Variants in GLRA3 observed in about 807,000 individuals in gnomAD.
The protein encoded by GLRA3 is glycine receptor alpha 3, also known as glycine receptor subunit alpha-3.
In GLRA3, 44 loss-of-function variants were observed where a neutral mutation model predicts 60.4. The observed-to-expected ratio is 0.73, with a 90% CI of 0.57 to 0.94. The LOEUF (loss-of-function observed/expected upper bound fraction) is 0.94, where lower values mean the gene tolerates loss of function less well. Among genes scored for constraint, GLRA3 ranks in the 40% least tolerant of loss-of-function variants. GLRA3 has a pLI of 0.00. For missense variants in GLRA3, 508 were observed against 564.6 expected, an observed-to-expected ratio of 0.90 and a Z score of 1.02; for synonymous variants, 223 against 192.9, an observed-to-expected ratio of 1.16 and a Z score of -1.29.
At chr4:174,748,247 C>A (rs911858599) in intron 3 of GLRA3, among the ~76,000 whole-genome samples, 5 of 152,152 alleles carry the variant, frequency 3.3e-5, no homozygotes, top group African/African-American at 4.8e-5. Flanking sequence ...TTTTCAAGAG[C>A]ATAATCAACA....
intron 4 of GLRA3, among the ~76,000 whole-genome samples, chr4:174,718,971 T>A (rs957258487): frequency 7.0e-6 from 1 of 142,274 alleles, no homozygotes; most frequent in African/African-American, 2.6e-5. Flanking sequence ...TTTTTTTTTT[T>A]TTTTTTTTTT....
intron 5 of GLRA3, among the ~76,000 whole-genome samples, chr4:174,695,732 T>A (rs1015246818): frequency 6.6e-6 from 1 of 152,110 alleles, no homozygotes; most frequent in Non-Finnish European, 1.5e-5. Context: ...TTGAAAGTAC[T>A]AGGCAGAGCT....
At chr4:174,647,738 C>A (rs1561030673) in intron 9 of GLRA3, among the ~76,000 whole-genome samples, 1 of 152,170 alleles carries the variant, frequency 6.6e-6, no homozygotes, top group East Asian at 1.9e-4. Context: ...AAAAATAACT[C>A]AGTATGTTCC....
intron 4 of GLRA3, among the ~76,000 whole-genome samples, chr4:174,721,293 A>T (rs1736120534): frequency 1.3e-5 from 2 of 152,046 alleles, no homozygotes; most frequent in African/African-American, 4.8e-5. Flanking sequence ...TCCCAAAGTG[A>T]AAACTGTGTG....
chr4:174,667,071 T>C (rs1004970250), intron 7 of GLRA3, among the ~76,000 whole-genome samples: 1 of 152,122 alleles, frequency 6.6e-6, no homozygotes, highest in African/African-American at 2.4e-5. Context: ...TTGTCATTGC[T>C]ATCCTCACTT....
intron 2 of GLRA3, among the ~76,000 whole-genome samples, chr4:174,780,324 G>A (rs1432785992): frequency 2.0e-5 from 3 of 151,198 alleles, no homozygotes; most frequent in Non-Finnish European, 4.4e-5. Flanking sequence ...CACTAAACAT[G>A]GAAAGGAACA....
At chr4:174,756,800 T>A (rs1369815066) in intron 3 of GLRA3, among the ~76,000 whole-genome samples, 2 of 151,922 alleles carry the variant, frequency 1.3e-5, no homozygotes, top group Non-Finnish European at 2.9e-5. Flanking sequence ...ACCCGTCACC[T>A]CCCCTGGCTA....
At chr4:174,662,379 C>G (rs1195969368) in intron 7 of GLRA3, among the ~76,000 whole-genome samples, 1 of 152,108 alleles carries the variant, frequency 6.6e-6, no homozygotes, top group African/African-American at 2.4e-5. Context: ...TCCTTACTTC[C>G]AAGAAGATGT....
intron 1 of GLRA3, among the ~76,000 whole-genome samples, chr4:174,825,096 T>C (rs1740911530): frequency 6.6e-6 from 1 of 152,092 alleles, no homozygotes; most frequent in South Asian, 2.1e-4. Context: ...TGGACTATGA[T>C]TCTTCTATAC....
rs1738867820 is a variant in GLRA3, at chr4:174,781,454, T to G, written c.199+7362A>C. 2.9e-5 allele frequency among the ~76,000 whole-genome samples: 4 copies of G among 138,182 alleles called. No individual in the cohort carries two copies. In the South Asian group the frequency reaches 9.8e-4, roughly 34 times the overall value. 90.7% of individuals were successfully genotyped at this position (138,182 alleles called of 152,430 possible). A position where few individuals can be genotyped will look rare whatever the true frequency, so the allele number is the denominator to read the frequency against. On this transcript the variant is annotated intron_variant, in intron 2 of 9. Coordinates refer to ENST00000274093, the MANE Select transcript of GLRA3 (RefSeq NM_006529.4). ...TCAAAAGCTAGCAGAAGGCAAGAAATAACTAAAATCAGAGCAGAACTGAAG... is the reference window on the plus strand; with the variant it reads ...TCAAAAGCTAGCAGAAGGCAAGAAAGAACTAAAATCAGAGCAGAACTGAAG...
rs370045679 is a variant in GLRA3 at position 174,706,162 on chromosome 4, A to G, written c.574+9326T>C. 0.013 allele frequency among the ~76,000 whole-genome samples: 1,926 copies of G among 152,006 alleles called. 85 individuals are homozygous for G. In the East Asian group the frequency reaches 0.14, roughly 11 times the overall value. ...GGAGAATGGCGTGAACCCGGGAGGC[A>G]GAGCTTGCAGTGAGCCGAGTTCACG... On this transcript the variant is annotated intron_variant, in intron 5 of 9. Coordinates refer to ENST00000274093, the MANE Select transcript of GLRA3 (RefSeq NM_006529.4).
intron 8 of GLRA3, 50 bp from the exon 9 acceptor site, chr4:174,656,837 A>T: frequency 1.0e-6 from 1 of 1,002,550 alleles, no homozygotes; most frequent in Non-Finnish European, 1.6e-6. Context: ...CAGAGAATCA[A>T]TTCATATATG....
chr4:174,821,604 C>T lies in GLRA3; in HGVS notation c.71+7137G>A, dbSNP rs141054921. Among the ~76,000 whole-genome samples, 501 of 152,102 alleles carry T rather than the reference C, an allele frequency of 3.3e-3. 3 individuals are homozygous for T. The highest frequency in any genetic ancestry group is 0.011 in the African/African-American group (448 of 41,518). ...AATACATGATGTATCTGTGGTATTA[C>T]AATTTCTTGGAAGTCAGTTACAAAA... On this transcript the variant is annotated intron_variant, in intron 1 of 9. Coordinates refer to ENST00000274093, the MANE Select transcript of GLRA3 (RefSeq NM_006529.4).
intron 3 of GLRA3, among the ~76,000 whole-genome samples, chr4:174,750,631 A>G (rs552052070): frequency 1.3e-5 from 2 of 152,242 alleles, no homozygotes; most frequent in African/African-American, 2.4e-5. Flanking sequence ...AGATTTCAAT[A>G]GTGATAATTG....
intron 3 of GLRA3, among the ~76,000 whole-genome samples, chr4:174,750,653 G>C (rs1286413096): frequency 6.6e-6 from 1 of 152,116 alleles, no homozygotes; most frequent in African/African-American, 2.4e-5. Flanking sequence ...CAAGGTGACA[G>C]ATAAAAACTT....
chr4:174,807,382 C>G (rs1015930011), intron 1 of GLRA3, among the ~76,000 whole-genome samples: 1 of 151,980 alleles, frequency 6.6e-6, no homozygotes, highest in Admixed American at 6.6e-5. Flanking sequence ...GATTCACTTT[C>G]AAAGACAACA....
intron 3 of GLRA3, among the ~76,000 whole-genome samples, chr4:174,737,519 G>T (rs544636193): frequency 0.011 from 969 of 92,126 alleles, 9 homozygotes; most frequent in African/African-American, 0.031. Context: ...GTGGTTTTTT[G>T]TTGTTGTTGT....
chr4:174,682,965 A>G, intron 5 of GLRA3, 26 bp from the exon 6 acceptor site: 1 of 1,587,724 alleles, frequency 6.3e-7, no homozygotes. Context: ...TAAAAATATG[A>G]ATAGTCTAAA....
Position 174,750,310 on chromosome 4 carries a change from C to A in GLRA3, c.267+16653G>T, listed in dbSNP as rs558326104. Among the ~76,000 whole-genome samples the A allele has an allele frequency of 1.4e-4, 22 of 152,260 alleles. No individual in the cohort carries two copies. The South Asian group carries it at 4.3e-3, about 30-fold the overall frequency. The stretch of plus-strand genomic sequence containing the variant: ...TATTAGCTCAGATAGCCAGGAATGG[C>A]TCCTATGGGTTATTTGGCTGACTGA... On this transcript the variant is annotated intron_variant, in intron 3 of 9. Coordinates refer to ENST00000274093, the MANE Select transcript of GLRA3 (RefSeq NM_006529.4).
Sources: gnomAD v4.1 joint callset for allele counts (sites outside exome capture counted in the v4.1 genomes callset) on GRCh38, gnomAD v4.1.1 for gene constraint, MANE v1.5 for transcripts, NCBI Gene and HGNC (gene_info 2026-07-23, HGNC 2026-07-21) for gene names.